Variants in CNTLN observed in about 807,000 individuals in gnomAD.
CNTLN encodes centlein, also known as centlein, centrosomal protein.
CNTLN carries 212 observed loss-of-function variants against 180.0 expected under a neutral mutation model. The observed-to-expected ratio is 1.18, with a 90% CI of 1.05 to 1.32. The LOEUF (loss-of-function observed/expected upper bound fraction) is 1.32, where lower values mean the gene tolerates loss of function less well. CNTLN is among the 40% of genes most tolerant of loss of function. CNTLN has a pLI of 0.00. For missense variants in CNTLN, 2,095 were observed against 1,610.9 expected (o/e 1.30, Z -5.14); for synonymous variants, 722 against 563.1 (o/e 1.28, Z -3.99).
intron 8 of CNTLN, among the ~76,000 whole-genome samples, chr9:17,310,308 T>G (rs1217134652): frequency 6.6e-6 from 1 of 152,138 alleles, no homozygotes; most frequent in Admixed American, 6.5e-5. Flanking sequence ...TATTGTTTAG[T>G]CATTCAAAAA....
chr9:17,298,633 T>G (rs1410033372), intron 7 of CNTLN: 2 of 1,052,548 alleles, frequency 1.9e-6, no homozygotes, highest in Admixed American at 5.5e-5. Context: ...CTGTGAAACA[T>G]ACTAGGAGTA....
At chr9:17,357,016 T>C (rs1192888876) in intron 12 of CNTLN, among the ~76,000 whole-genome samples, 1 of 152,120 alleles carries the variant, frequency 6.6e-6, no homozygotes, top group Non-Finnish European at 1.5e-5. Context: ...TTGTTTCTCA[T>C]TTCCTACTTC....
chr9:17,400,791 T>C (rs1191631737), intron 15 of CNTLN, among the ~76,000 whole-genome samples: 1 of 152,214 alleles, frequency 6.6e-6, no homozygotes, highest in Non-Finnish European at 1.5e-5. Context: ...GTTAATTCAT[T>C]CATTCATTCC....
chr9:17,298,166 C>T, intron 6 of CNTLN, 24 bp from the exon 7 acceptor site: 1 of 1,403,348 alleles, frequency 7.1e-7, no homozygotes. Flanking sequence ...ATACTTTTCT[C>T]TATTTATTGC....
intron 5 of CNTLN, among the ~76,000 whole-genome samples, chr9:17,243,501 T>C (rs1380360154): frequency 6.6e-6 from 1 of 152,158 alleles, no homozygotes; most frequent in Non-Finnish European, 1.5e-5. Context: ...TAGATTTTGG[T>C]ATGGTGTGTT....
intron 2 of CNTLN, among the ~76,000 whole-genome samples, chr9:17,186,265 T>A (rs1821430861): frequency 6.6e-6 from 1 of 152,178 alleles, no homozygotes. Flanking sequence ...AGTACATCAT[T>A]CATGTTGTGT....
At chr9:17,242,740 T>A (rs1825571921) in intron 5 of CNTLN, among the ~76,000 whole-genome samples, 1 of 152,206 alleles carries the variant, frequency 6.6e-6, no homozygotes, top group African/African-American at 2.4e-5. Flanking sequence ...ATCTTTTTGA[T>A]TTGGTGCTAA....
At chr9:17,321,846 T>G (rs1185183845) in intron 8 of CNTLN, among the ~76,000 whole-genome samples, 1 of 152,194 alleles carries the variant, frequency 6.6e-6, no homozygotes, top group Non-Finnish European at 1.5e-5. Context: ...TTCCATTTTT[T>G]TCTCATTTTC....
At chr9:17,413,952 A>G (rs945163722) in intron 16 of CNTLN, among the ~76,000 whole-genome samples, 34 of 152,340 alleles carry the variant, frequency 2.2e-4, no homozygotes, top group African/African-American at 7.7e-4. Flanking sequence ...AAAACTGGGA[A>G]CAACCAAAAT....
intron 25 of CNTLN, among the ~76,000 whole-genome samples, chr9:17,497,777 A>C (rs934787079): frequency 6.6e-6 from 1 of 152,176 alleles, no homozygotes; most frequent in Non-Finnish European, 1.5e-5. Flanking sequence ...TAAATTATAA[A>C]TACATTGTTC....
intron 14 of CNTLN, among the ~76,000 whole-genome samples, chr9:17,390,713 A>T (rs1351249770): frequency 1.3e-5 from 2 of 152,244 alleles, no homozygotes; most frequent in African/African-American, 4.8e-5. Context: ...GATTAAAATC[A>T]GTTTAACAAT....
chr9:17,185,346 C>T (rs900139726), intron 2 of CNTLN, among the ~76,000 whole-genome samples: 2 of 152,142 alleles, frequency 1.3e-5, no homozygotes, highest in Non-Finnish European at 2.9e-5. Flanking sequence ...AACTGGATGG[C>T]TCCAAACAAA....
intron 7 of CNTLN, chr9:17,299,798 A>T: frequency 1.0e-6 from 1 of 984,280 alleles, no homozygotes; most frequent in Non-Finnish European, 1.2e-6. Flanking sequence ...TTTTTCCCCC[A>T]TTGATGACTT....
At chr9:17,331,692 GCT>G (rs1350885621) in intron 9 of CNTLN, among the ~76,000 whole-genome samples, 1 of 151,830 alleles carries the variant, frequency 6.6e-6, no homozygotes, top group African/African-American at 2.4e-5. Context: ...TGTTATTCAT[GCT>G]CTCTGAAATT....
intron 14 of CNTLN, among the ~76,000 whole-genome samples, chr9:17,391,739 C>G (rs1241323449): frequency 6.6e-6 from 1 of 152,008 alleles, no homozygotes; most frequent in Admixed American, 6.5e-5. Flanking sequence ...ATTTTAGTTA[C>G]AGCAGTTTTA....
At chr9:17,313,439 T>G (rs1190634273) in intron 8 of CNTLN, among the ~76,000 whole-genome samples, 1 of 152,158 alleles carries the variant, frequency 6.6e-6, no homozygotes, top group Non-Finnish European at 1.5e-5. Flanking sequence ...TCTAAAAGTT[T>G]TACTCTTCTA....
intron 15 of CNTLN, among the ~76,000 whole-genome samples, chr9:17,404,324 G>A (rs534909130): frequency 1.3e-5 from 2 of 151,786 alleles, no homozygotes; most frequent in East Asian, 3.9e-4. Flanking sequence ...TGGCGTGGCC[G>A]CTGTAATTAT....
At chr9:17,363,135 T>C (rs1055103297) in intron 12 of CNTLN, among the ~76,000 whole-genome samples, 1 of 152,224 alleles carries the variant, frequency 6.6e-6, no homozygotes, top group African/African-American at 2.4e-5. Context: ...CAGTCTATCA[T>C]TGATGGGCAT....
chr9:17,274,800 G>A (rs1156483149), intron 6 of CNTLN, among the ~76,000 whole-genome samples: 1 of 152,058 alleles, frequency 6.6e-6, no homozygotes, highest in Non-Finnish European at 1.5e-5. Flanking sequence ...AGGGGGTCAA[G>A]TTAGTGCTGT....
Sources: allele counts gnomAD v4.1 joint callset (sites outside exome capture counted in the v4.1 genomes callset), GRCh38; gene constraint gnomAD v4.1.1; transcripts MANE v1.5; gene names NCBI Gene and HGNC (gene_info 2026-07-23, HGNC 2026-07-21).